Variants in RAPGEF4 observed in about 807,000 individuals in gnomAD.
RAPGEF4 encodes Rap guanine nucleotide exchange factor 4.
In RAPGEF4, 66 loss-of-function variants were observed where a neutral mutation model predicts 147.9. That is an observed-to-expected ratio of 0.45 (90% CI 0.37 to 0.55). The LOEUF is 0.55. Among genes scored for constraint, RAPGEF4 ranks in the 20% least tolerant of loss-of-function variants. The pLI, the probability that RAPGEF4 is intolerant of heterozygous loss-of-function variation, is 0.00. For synonymous variants in RAPGEF4, 419 were observed against 442.7 expected (o/e 0.95, Z 0.67); for missense variants, 1,071 against 1,257.3 (o/e 0.85, Z 2.24).
At chr2:172,988,937 A>G in intron 14 of RAPGEF4, 98 bp downstream of exon 14, 1 of 1,330,652 alleles carries the variant, frequency 7.5e-7, no homozygotes, top group Non-Finnish European at 1.0e-6. Context: ...TAGTCCTGTG[A>G]TGAATGAGTG....
At chr2:172,932,617 C>T (rs1437273537) in intron 6 of RAPGEF4, among the ~76,000 whole-genome samples, 1 of 152,126 alleles carries the variant, frequency 6.6e-6, no homozygotes, top group Non-Finnish European at 1.5e-5. Flanking sequence ...TTTTCCAGGC[C>T]AGACGACTTT....
At chr2:172,808,220 C>T (rs1352090680) in intron 3 of RAPGEF4, among the ~76,000 whole-genome samples, 2 of 152,150 alleles carry the variant, frequency 1.3e-5, no homozygotes, top group Admixed American at 6.5e-5. Flanking sequence ...ACAAATAAAA[C>T]GCCTCATATG....
intron 4 of RAPGEF4, among the ~76,000 whole-genome samples, chr2:172,855,573 T>C (rs185366133): frequency 1.9e-3 from 289 of 152,346 alleles, no homozygotes; most frequent in African/African-American, 6.6e-3. Flanking sequence ...GTCTTTTACC[T>C]TCATTCTGGA....
At chr2:172,884,081 C>T (rs1485447897) in intron 4 of RAPGEF4, among the ~76,000 whole-genome samples, 1 of 152,150 alleles carries the variant, frequency 6.6e-6, no homozygotes, top group Non-Finnish European at 1.5e-5. Flanking sequence ...AATTTTGCTA[C>T]AACAGTGACC....
chr2:172,988,791 CT>C lies in RAPGEF4; in HGVS notation c.1327del (p.Cys443AlafsTer4). The C allele has an allele frequency of 6.2e-7, 1 of 1,613,682 alleles. No homozygotes were observed. Among genetic ancestry groups the C allele is most frequent in the Non-Finnish European group, 8.5e-7 (1 of 1,179,580 alleles). ...CCTCTATCGTCTTACGAGAAGATAA[CT>C]GCCATTTCTTAAGAGTAGACAAGGA... ...AASIVLREDNCHFLRVDKEDF... is the reference protein window; with the variant it reads ...AASIVLREDNXHFLRVDKEDF... On this transcript the variant is annotated frameshift_variant, in exon 14 of 31. Coordinates refer to ENST00000397081, the MANE Select transcript of RAPGEF4 (RefSeq NM_007023.4). LOFTEE classifies it high-confidence loss of function.
intron 4 of RAPGEF4, among the ~76,000 whole-genome samples, chr2:172,818,873 C>A (rs539064730): frequency 6.6e-6 from 1 of 152,128 alleles, no homozygotes; most frequent in Non-Finnish European, 1.5e-5. Context: ...GAGAACCACA[C>A]GTAAGGTTTT....
chr2:172,903,806 A>T (rs1699336180), intron 4 of RAPGEF4, among the ~76,000 whole-genome samples: 1 of 152,162 alleles, frequency 6.6e-6, no homozygotes, highest in African/African-American at 2.4e-5. Context: ...AAACTGAGAA[A>T]TGCAAAGTGC....
chr2:172,801,348 G>A (rs1328559917), intron 3 of RAPGEF4, among the ~76,000 whole-genome samples: 1 of 152,152 alleles, frequency 6.6e-6, no homozygotes, highest in Non-Finnish European at 1.5e-5. Flanking sequence ...CAGGGAGGAT[G>A]GGGCAGAGTT....
chr2:172,959,388 T>A (rs60532082), intron 6 of RAPGEF4, among the ~76,000 whole-genome samples: 4,579 of 152,326 alleles, frequency 0.03, 218 homozygotes, highest in African/African-American at 0.099. Context: ...CCCTTGTGAT[T>A]ACCTTTGGCC....
At chr2:172,822,113 A>G in intron 4 of RAPGEF4, 1 of 1,062,746 alleles carries the variant, frequency 9.4e-7, no homozygotes, top group Non-Finnish European at 1.4e-6. Flanking sequence ...CCAAATATGT[A>G]CCATGGCAGG....
chr2:172,961,292 A>G (rs1418409222), intron 8 of RAPGEF4, 64 bp downstream of exon 8: 1 of 1,301,926 alleles, frequency 7.7e-7, no homozygotes, highest in Non-Finnish European at 1.1e-6. Flanking sequence ...AATGGAACAA[A>G]AATGCTTCTC....
At chr2:172,976,970 C>T (rs546066772) in intron 10 of RAPGEF4, among the ~76,000 whole-genome samples, 6 of 152,178 alleles carry the variant, frequency 3.9e-5, no homozygotes, top group African/African-American at 7.2e-5. Context: ...CAGCGGGATC[C>T]GACAAATCCA....
At chr2:172,845,241 T>G (rs1258158426) in intron 4 of RAPGEF4, among the ~76,000 whole-genome samples, 1 of 152,198 alleles carries the variant, frequency 6.6e-6, no homozygotes, top group Non-Finnish European at 1.5e-5. Context: ...TATTTCTGCC[T>G]GAGCAGCAAG....
intron 12 of RAPGEF4, among the ~76,000 whole-genome samples, chr2:172,986,273 G>A (rs905958964): frequency 2.0e-5 from 3 of 152,212 alleles, no homozygotes; most frequent in Non-Finnish European, 4.4e-5. Context: ...CGTTTAAACC[G>A]ATACTTCCTG....
At chr2:172,974,397 T>C (rs1194028940) in intron 10 of RAPGEF4, among the ~76,000 whole-genome samples, 2 of 152,074 alleles carry the variant, frequency 1.3e-5, no homozygotes, top group Non-Finnish European at 2.9e-5. Context: ...AAATAATTCT[T>C]ACAAGGCTGG....
intron 1 of RAPGEF4, among the ~76,000 whole-genome samples, chr2:172,751,685 T>C (rs1695306123): frequency 1.3e-5 from 2 of 152,188 alleles, no homozygotes; most frequent in South Asian, 4.1e-4. Flanking sequence ...GGTCACCTAG[T>C]TTGAATTTAG....
At chr2:173,006,873 C>T (rs1694529363) in intron 17 of RAPGEF4, among the ~76,000 whole-genome samples, 1 of 152,176 alleles carries the variant, frequency 6.6e-6, no homozygotes, top group Non-Finnish European at 1.5e-5. Context: ...CCATCTGATT[C>T]TGAAAAGTGT....
intron 4 of RAPGEF4, among the ~76,000 whole-genome samples, chr2:172,914,319 ATTTTTTTTTTTTTT>A (rs573065663): frequency 2.1e-4 from 13 of 62,450 alleles, no homozygotes; most frequent in South Asian, 1.4e-3. Context: ...GGAAATATGC[ATTTTTTTTTTTTTT>A]TTTTTTTTTT....
At chr2:172,965,414 T>C in intron 8 of RAPGEF4, 148 bp from the exon 9 acceptor site, 1 of 873,368 alleles carries the variant, frequency 1.1e-6, no homozygotes, top group Non-Finnish European at 1.8e-6. Flanking sequence ...AACCTGAAGC[T>C]ACCGCGTGTG....
Sources: allele counts gnomAD v4.1 joint callset (sites outside exome capture counted in the v4.1 genomes callset), GRCh38; gene constraint gnomAD v4.1.1; transcripts MANE v1.5; gene names NCBI Gene and HGNC (gene_info 2026-07-23, HGNC 2026-07-21).